Variants in SSTR2 observed in about 807,000 individuals in gnomAD.
The protein encoded by SSTR2 is somatostatin receptor type 2.
A neutral mutation model predicts 21.4 loss-of-function variants in SSTR2; 10 were observed. That is an observed-to-expected ratio of 0.47 (90% CI 0.29 to 0.79). SSTR2 has a LOEUF of 0.79. SSTR2 is among the 30% of genes least tolerant of loss of function. SSTR2 has a pLI of 0.10. For synonymous variants in SSTR2, 177 were observed against 181.3 expected (o/e 0.98, Z 0.19); for missense variants, 364 against 468.8 (o/e 0.78, Z 2.06).
rs1227248157 is a variant in SSTR2 at position 73,169,496 on chromosome 17, T to G, written c.177T>G (p.Cys59Trp). The change falls in exon 2 of 2, where the codon TGT becomes TGG. Residue 59 changes from cysteine (C) to tryptophan (W), a missense_variant. By Grantham distance (215) the Cys-to-Trp change is radical. Around this residue, in one of 4 missense-constraint regions of SSTR2, gnomAD observed 75 missense variants for 75.4 expected, o/e 0.99. Transcript: ENST00000357585. This position sits in a 1 kb window ranked among gnomAD's most constrained non-coding sequence, Gnocchi z 5.2. Reference sequence around the variant, plus strand: ...TTGTGGTCTGCATCATTGGGTTGTGTGGCAACACACTTGTCATTTATGTCA... The same window carrying G: ...TTGTGGTCTGCATCATTGGGTTGTGGGGCAACACACTTGTCATTTATGTCA... ...IYFVVCIIGL[C>W]GNTLVIYVIL... 1 of 1,614,266 alleles carries G rather than the reference T, an allele frequency of 6.2e-7. No individual in the cohort carries two copies. Among genetic ancestry groups the G allele is most frequent in the Non-Finnish European group, 8.5e-7 (1 of 1,180,056 alleles).
rs1447354225 is a variant in SSTR2, at chr17:73,175,358, G to C, written c.*4929G>C. On this transcript the variant is annotated 3_prime_UTR_variant, in exon 2 of 2. Transcript: ENST00000357585. ...CACCCAGGCTGGAGCGCAGTGGCAC[G>C]ATCTTGGCTCACTGCAACCTCCACC... 6.8e-6 allele frequency: 1 copy of C among 147,170 alleles called. No homozygotes were observed. Among genetic ancestry groups the C allele is most frequent in the Admixed American group, 6.9e-5 (1 of 14,478 alleles). The allele number at this position is 147,170 out of a possible 1,614,324, so 9.1% of individuals were successfully genotyped here. A position where few individuals can be genotyped will look rare whatever the true frequency, so the allele number is the denominator to read the frequency against.
chr17:73,170,689 C>T lies in SSTR2; in HGVS notation c.*260C>T. 1 of 657,586 alleles carries T rather than the reference C, an allele frequency of 1.5e-6. No homozygotes were observed. Among genetic ancestry groups the T allele is most frequent in the Non-Finnish European group, 2.9e-6 (1 of 348,436 alleles). The allele number at this position is 657,586 out of a possible 1,614,324, so 40.7% of individuals were successfully genotyped here. A position where few individuals can be genotyped will look rare whatever the true frequency, so the allele number is the denominator to read the frequency against. ...CAAAGTCTGGAGAAGAGGGATCATGCCTGGATATGATCTTTAGAAACAACA... is the reference window on the plus strand; with the variant it reads ...CAAAGTCTGGAGAAGAGGGATCATGTCTGGATATGATCTTTAGAAACAACA... On this transcript the variant is annotated 3_prime_UTR_variant, in exon 2 of 2. Coordinates refer to ENST00000357585, the MANE Select transcript of SSTR2 (RefSeq NM_001050.3).
chr17:73,172,673 T>C lies in SSTR2; in HGVS notation c.*2244T>C, dbSNP rs2061238916. The C allele has an allele frequency of 6.6e-6, 1 of 152,072 alleles. No individual in the cohort carries two copies. The highest frequency in any genetic ancestry group is 1.5e-5 in the Non-Finnish European group (1 of 68,012). The allele number at this position is 152,072 out of a possible 1,614,324, so 9.4% of individuals were successfully genotyped here. On this transcript the variant is annotated 3_prime_UTR_variant, in exon 2 of 2. Transcript: ENST00000357585. ...TGCATGCAGGAAAATCCCACACCATTAGTAAAAGTAAGGTCAACTGTAAGT... is the reference window on the plus strand; with the variant it reads ...TGCATGCAGGAAAATCCCACACCATCAGTAAAAGTAAGGTCAACTGTAAGT...
chr17:73,167,682 GAAAGGAAGGCAT>G (rs1184808138), intron 1 of SSTR2, among the ~76,000 whole-genome samples: 1 of 152,108 alleles, frequency 6.6e-6, no homozygotes, highest in Non-Finnish European at 1.5e-5. Context: ...AGTCCCCCAG[GAAAGGAAGGCAT>G]TCTTAAGTCC....
Position 73,171,921 on chromosome 17 carries a change from C to CAAAAACAAAAAAAAAAAAAAAAA in SSTR2, c.*1497_*1498insCAAAAAAAAAAAAAAAAAAAAAA, listed in dbSNP as rs2061236543. 5.6e-5 allele frequency: 1 copy of CAAAAACAAAAAAAAAAAAAAAAA among 17,958 alleles called. No individual in the cohort carries two copies. Among genetic ancestry groups the CAAAAACAAAAAAAAAAAAAAAAA allele is most frequent in the Non-Finnish European group, 9.5e-5 (1 of 10,480 alleles). The allele number at this position is 17,958 out of a possible 1,614,324, so 1.1% of individuals were successfully genotyped here. A position where few individuals can be genotyped will look rare whatever the true frequency, so the allele number is the denominator to read the frequency against. On this transcript the variant is annotated 3_prime_UTR_variant, in exon 2 of 2. Coordinates refer to ENST00000357585, the MANE Select transcript of SSTR2 (RefSeq NM_001050.3). ...GAGCAACAAGAGCAAAACTCAGTCTCAAAAAAAAAAAAAAAAAAAAAAAAA... is the reference window on the plus strand; with the variant it reads ...GAGCAACAAGAGCAAAACTCAGTCTCAAAAACAAAAAAAAAAAAAAAAAAAAAAAAAAAAAAAAAAAAAAAAAA...
chr17:73,169,881 TG>T lies in SSTR2; in HGVS notation c.567del (p.Arg190GlufsTer46), dbSNP rs1412428745. On this transcript the variant is annotated frameshift_variant, in exon 2 of 2. Transcript: ENST00000357585. LOFTEE classifies it high-confidence loss of function. This position sits in a 1 kb window ranked among gnomAD's most constrained non-coding sequence, Gnocchi z 5.2. ...ATATGCTGGGCTCCGGAGCAACCAG[TG>T]GGGGAGAAGCAGCTGCACCATCAAC... Reference protein sequence around the residue: ...MIYAGLRSNQWGRSSCTINWP... With the variant: ...MIYAGLRSNQXGRSSCTINWP... The T allele has an allele frequency of 6.2e-7, 1 of 1,611,646 alleles. No homozygotes were observed. Among genetic ancestry groups the T allele is most frequent in the Admixed American group, 1.7e-5 (1 of 59,974 alleles).
At chr17:73,166,297 AG>A (rs1273764141) in intron 1 of SSTR2, among the ~76,000 whole-genome samples, 5 of 152,090 alleles carry the variant, frequency 3.3e-5, no homozygotes, top group African/African-American at 4.8e-5. Context: ...GCAGGCCCTG[AG>A]GGAGGCGGGG....
At chr17:73,167,216 A>G (rs2061219300) in intron 1 of SSTR2, among the ~76,000 whole-genome samples, 1 of 152,226 alleles carries the variant, frequency 6.6e-6, no homozygotes, top group Non-Finnish European at 1.5e-5. Context: ...AATTGCTGCC[A>G]GTCTATGCTT....
At position 73,169,120 on chromosome 17, in the gene SSTR2, T is replaced by C; in HGVS notation, c.-92-108T>C. 1 of 611,398 alleles carries C rather than the reference T, an allele frequency of 1.6e-6. No individual in the cohort carries two copies. The highest frequency in any genetic ancestry group is 2.8e-6 in the Non-Finnish European group (1 of 353,160). The allele number at this position is 611,398 out of a possible 1,614,324, so 37.9% of individuals were successfully genotyped here. On this transcript the variant is annotated intron_variant, in intron 1 of 1. Coordinates refer to ENST00000357585, the MANE Select transcript of SSTR2 (RefSeq NM_001050.3). The surrounding 1 kb of genome is among the most constrained non-coding windows in gnomAD (Gnocchi z 5.2). ...AATGTTGATGTGGAAAGATAATACA[T>C]TTTTCAATTTAAGAGTATGTCTGAG...
chr17:73,166,144 C>T lies in SSTR2; in HGVS notation c.-93+856C>T, dbSNP rs533204940. The stretch of plus-strand genomic sequence containing the variant: ...CAACCGGCTCCGCGGTCCTGACACT[C>T]GCCCCTCCATTTCTCAACCCCGTAG... On this transcript the variant is annotated intron_variant, in intron 1 of 1. Coordinates refer to ENST00000357585, the MANE Select transcript of SSTR2 (RefSeq NM_001050.3). 5.9e-4 allele frequency among the ~76,000 whole-genome samples: 90 copies of T among 152,348 alleles called. 1 individual carries two copies. Among genetic ancestry groups the T allele is most frequent in the Middle Eastern group, 3.4e-3 (1 of 294 alleles).
In SSTR2 at chr17:73,174,045, C is replaced by T. The variant is rs569960816; in HGVS notation, c.*3616C>T. ...TCAGGAGGCTGAGACAGGAGAATCG[C>T]TTGAACCCGGGAGGCGAAGGTTGCA... On this transcript the variant is annotated 3_prime_UTR_variant, in exon 2 of 2. Transcript: ENST00000357585. 6.7e-6 allele frequency: 1 copy of T among 150,354 alleles called. No homozygotes were observed. The highest frequency in any genetic ancestry group is 1.5e-5 in the Non-Finnish European group (1 of 67,950). The allele number at this position is 150,354 out of a possible 1,614,324, so 9.3% of individuals were successfully genotyped here. A position where few individuals can be genotyped will look rare whatever the true frequency, so the allele number is the denominator to read the frequency against.
rs1426335399 is a variant in SSTR2 at position 73,169,952 on chromosome 17, C to T, written c.633C>T (p.Tyr211=). 3.7e-6 allele frequency: 6 copies of T among 1,606,824 alleles called. No homozygotes were observed. Among genetic ancestry groups the T allele is most frequent in the Admixed American group, 3.4e-5 (2 of 59,674 alleles). The change falls in exon 2 of 2, where the codon TAC becomes TAT. Residue 211 remains tyrosine, a synonymous_variant. Transcript: ENST00000357585. The surrounding 1 kb of genome is among the most constrained non-coding windows in gnomAD (Gnocchi z 5.2). ...SGAWYTGFII[Y]TFILGFLVPL... ...CTTGGTACACAGGGTTCATCATCTA[C>T]ACTTTCATTCTGGGGTTCCTGGTAC...
Position 73,169,229 on chromosome 17 carries a change from T to A in SSTR2, c.-91T>A. 1 of 1,429,702 alleles carries A rather than the reference T, an allele frequency of 7.0e-7. No homozygotes were observed. Among genetic ancestry groups the A allele is most frequent in the Non-Finnish European group, 9.3e-7 (1 of 1,074,834 alleles). The allele number at this position is 1,429,702 out of a possible 1,614,324, so 88.6% of individuals were successfully genotyped here. ...CCAATCTTCCTCTTTTCCTTCCAGATGTCACACTGGATCCTTGGCCTCCAG... is the reference window on the plus strand; with the variant it reads ...CCAATCTTCCTCTTTTCCTTCCAGAAGTCACACTGGATCCTTGGCCTCCAG... On this transcript the variant is annotated splice_region_variant and 5_prime_UTR_variant, in exon 2 of 2. It removes an upstream start codon present in the reference 5' UTR. Transcript: ENST00000357585. This position sits in a 1 kb window ranked among gnomAD's most constrained non-coding sequence, Gnocchi z 5.2.
At position 73,170,296 on chromosome 17, in the gene SSTR2, T is replaced by C. The variant is rs1263708380; in HGVS notation, c.977T>C (p.Val326Ala). 6.2e-7 allele frequency: 1 copy of C among 1,613,794 alleles called. No individual in the cohort carries two copies. Among genetic ancestry groups the C allele is most frequent in the African/African-American group, 1.3e-5 (1 of 74,814 alleles). Residue 326 changes from valine to alanine, a missense_variant, in exon 2 of 2, where the codon GTC (valine) becomes GCC (alanine). Physicochemically the swap from Val to Ala is moderately conservative, Grantham distance 64 (BLOSUM62 0). Around this residue, in one of 4 missense-constraint regions of SSTR2, gnomAD observed 193 missense variants for 273.1 expected, o/e 0.71. Transcript: ENST00000357585. ...SDNFKKSFQNVLCLVKVSGTD... is the reference protein window; with the variant it reads ...SDNFKKSFQNALCLVKVSGTD... ...AACTTCAAGAAGAGCTTCCAGAATG[T>C]CCTCTGCTTGGTCAAGGTGAGCGGC...
intron 1 of SSTR2, among the ~76,000 whole-genome samples, chr17:73,167,712 A>C (rs1484513097): frequency 6.6e-6 from 1 of 152,170 alleles, no homozygotes; most frequent in African/African-American, 2.4e-5. Context: ...TCCTTCATTT[A>C]TCTCTCGTGC....
At chr17:73,165,581 T>A (rs2061213554) in intron 1 of SSTR2, among the ~76,000 whole-genome samples, 1 of 151,988 alleles carries the variant, frequency 6.6e-6, no homozygotes. Context: ...GCGTGGCGTG[T>A]GCCCTTTAGC....
rs1599311290 is a variant in SSTR2, at chr17:73,173,658, T to C, written c.*3229T>C. 1 of 152,340 alleles carries C rather than the reference T, an allele frequency of 6.6e-6. No individual in the cohort carries two copies. The highest frequency in any genetic ancestry group is 1.9e-4 in the East Asian group (1 of 5,188). 9.4% of individuals were successfully genotyped at this position (152,340 alleles called of 1,614,324 possible). A position where few individuals can be genotyped will look rare whatever the true frequency, so the allele number is the denominator to read the frequency against. On this transcript the variant is annotated 3_prime_UTR_variant, in exon 2 of 2. Coordinates refer to ENST00000357585, the MANE Select transcript of SSTR2 (RefSeq NM_001050.3). ...CATTGATTTCAGAGTATCTGATCAC[T>C]TGGGTTATGCAAGCTGCTACTTACC...
At position 73,170,630 on chromosome 17, in the gene SSTR2, C is replaced by G; in HGVS notation, c.*201C>G. On this transcript the variant is annotated 3_prime_UTR_variant, in exon 2 of 2. Transcript: ENST00000357585. Reference sequence around the variant, plus strand: ...AATGTGCTAAATTGATTACCTCCCCCTTAAAGCGAACACTGAAATGCAGGT... The same window carrying G: ...AATGTGCTAAATTGATTACCTCCCCGTTAAAGCGAACACTGAAATGCAGGT... 1.3e-6 allele frequency: 1 copy of G among 742,858 alleles called. No homozygotes were observed. Among genetic ancestry groups the G allele is most frequent in the Non-Finnish European group, 2.4e-6 (1 of 413,036 alleles). 46.0% of individuals were successfully genotyped at this position (742,858 alleles called of 1,614,324 possible).
In SSTR2 at chr17:73,171,959, G is replaced by GAAAAAAAAAAAAAAAA. The variant is rs1599310590; in HGVS notation, c.*1534_*1535insAAAAAAAAAAAAAAAA. On this transcript the variant is annotated 3_prime_UTR_variant, in exon 2 of 2. Coordinates refer to ENST00000357585, the MANE Select transcript of SSTR2 (RefSeq NM_001050.3). ...AAAAAAAAAAAAAAAAAAAAAAAAG[G>GAAAAAAAAAAAAAAAA]AAAACCACAATGCGTACTAAAGACC... The GAAAAAAAAAAAAAAAA allele has an allele frequency of 8.2e-5, 6 of 73,188 alleles. No individual in the cohort carries two copies. The East Asian group carries it at 2.2e-3, about 27-fold the overall frequency. 4.5% of individuals were successfully genotyped at this position (73,188 alleles called of 1,614,324 possible).
Sources: allele counts gnomAD v4.1 joint callset (sites outside exome capture counted in the v4.1 genomes callset), GRCh38; gene constraint gnomAD v4.1.1; regional missense constraint gnomAD v4.1.1; non-coding constraint Gnocchi (gnomAD v3.1); transcripts MANE v1.5; gene names NCBI Gene and HGNC (gene_info 2026-07-23, HGNC 2026-07-21).